NFASC: variants seen among roughly 807,000 people sequenced by gnomAD.
The protein encoded by NFASC is neurofascin.
Under a neutral mutation model 147.5 loss-of-function variants are expected in NFASC, and 43 were observed. The observed-to-expected ratio is 0.29, with a 90% CI of 0.23 to 0.38. NFASC has a LOEUF of 0.38. NFASC is among the 10% of genes least tolerant of loss of function. The probability of loss-of-function intolerance (pLI) is 1.00; values close to 1 mark genes in which losing one functional copy is unlikely to be tolerated. For missense variants in NFASC, 1,320 were observed against 1,689.0 expected (o/e 0.78, Z 3.83); for synonymous variants, 622 against 665.5 (o/e 0.93, Z 1.01).
intron 17 of NFASC, among the ~76,000 whole-genome samples, chr1:204,977,987 G>A (rs529637034): frequency 5.3e-5 from 8 of 152,244 alleles, no homozygotes; most frequent in South Asian, 2.1e-4. Context: ...CACACTCACC[G>A]CTCCCTCAGG....
At chr1:204,884,805 C>T (rs1180191171) in intron 1 of NFASC, among the ~76,000 whole-genome samples, 1 of 152,092 alleles carries the variant, frequency 6.6e-6, no homozygotes. Context: ...TGGCTGGGTG[C>T]CTGCACTGCA....
chr1:204,867,874 A>T (rs1360847950), intron 1 of NFASC, among the ~76,000 whole-genome samples: 1 of 152,086 alleles, frequency 6.6e-6, no homozygotes, highest in East Asian at 1.9e-4. Context: ...CCCTCCTCCA[A>T]GGCTCTCTTC....
Position 205,019,363 on chromosome 1 carries a change from G to A in NFASC, c.*2824G>A, listed in dbSNP as rs2096384692. Reference sequence around the variant, plus strand: ...CATCGGCGCTCCAGTCTGTCTGGCTGGGAGGAAAGTGCTGGGCATCTTACA... The same window carrying A: ...CATCGGCGCTCCAGTCTGTCTGGCTAGGAGGAAAGTGCTGGGCATCTTACA... On this transcript the variant is annotated 3_prime_UTR_variant, in exon 30 of 30. Coordinates refer to ENST00000339876, the MANE Select transcript of NFASC (RefSeq NM_001005388.3). The A allele has an allele frequency of 1.3e-5, 2 of 152,264 alleles. No homozygotes were observed. The highest frequency in any genetic ancestry group is 2.9e-5 in the Non-Finnish European group (2 of 68,068). 9.4% of individuals were successfully genotyped at this position (152,264 alleles called of 1,614,324 possible). A position where few individuals can be genotyped will look rare whatever the true frequency, so the allele number is the denominator to read the frequency against.
chr1:205,000,574 GC>G (rs2095956578), intron 25 of NFASC: 1 of 154,810 alleles, frequency 6.5e-6, no homozygotes, highest in South Asian at 2.0e-4. Flanking sequence ...CTTTTTCCTG[GC>G]CCCTTTCCTT....
At chr1:204,978,687 C>T (rs1355683820) in intron 17 of NFASC, among the ~76,000 whole-genome samples, 2 of 152,204 alleles carry the variant, frequency 1.3e-5, no homozygotes, top group Admixed American at 6.5e-5. Context: ...GACGGAATGG[C>T]GTTGGTCCCA....
chr1:204,920,162 G>T (rs2090149228), intron 1 of NFASC, among the ~76,000 whole-genome samples: 1 of 152,124 alleles, frequency 6.6e-6, no homozygotes, highest in South Asian at 2.1e-4. Context: ...CCTAAAATTG[G>T]GTCCCCTTTT....
intron 1 of NFASC, among the ~76,000 whole-genome samples, chr1:204,880,918 G>A: frequency 6.6e-6 from 1 of 152,216 alleles, no homozygotes; most frequent in Non-Finnish European, 1.5e-5. Flanking sequence ...AGTGGATGAG[G>A]ACACGTCTTT....
chr1:204,975,310 C>G lies in NFASC; in HGVS notation c.1598C>G (p.Ala533Gly), dbSNP rs777404052. The G allele has an allele frequency of 3.1e-6, 5 of 1,613,848 alleles. No homozygotes were observed. Among genetic ancestry groups the G allele is most frequent in the Non-Finnish European group, 4.2e-6 (5 of 1,179,896 alleles). ...TACCGGATGCCCGAGGACCAGGTGGCCAGAAGGGGCACCACGGTGCAGCTG... is the reference window on the plus strand; with the variant it reads ...TACCGGATGCCCGAGGACCAGGTGGGCAGAAGGGGCACCACGGTGCAGCTG... Reference protein sequence around the residue: ...RIYRMPEDQVARRGTTVQLEC... With the variant: ...RIYRMPEDQVGRRGTTVQLEC... Residue 533 changes from alanine (A) to glycine (G), a missense_variant, in exon 15 of 30, where the codon GCC (alanine) becomes GGC (glycine). Ala to Gly is a moderately conservative substitution (Grantham distance 60). This residue lies in a region of NFASC where 981 missense variants were observed against 1,289.5 expected (regional missense o/e 0.76). Transcript: ENST00000339876. This position sits in a 1 kb window ranked among gnomAD's most constrained non-coding sequence, Gnocchi z 4.0.
chr1:204,885,548 G>A (rs970933110), intron 1 of NFASC, among the ~76,000 whole-genome samples: 1 of 152,142 alleles, frequency 6.6e-6, no homozygotes, highest in Non-Finnish European at 1.5e-5. Flanking sequence ...AATTGACCAG[G>A]GCTGGTGCCA....
intron 28 of NFASC, among the ~76,000 whole-genome samples, chr1:205,012,503 C>T (rs531030982): frequency 7.9e-4 from 120 of 152,256 alleles, no homozygotes; most frequent in South Asian, 4.4e-3. Context: ...TCTGTTTGGT[C>T]TTTTGGGGAG....
At chr1:204,961,285 TGTCTTCAATCCTGCATA>T (rs988419891) in intron 8 of NFASC, among the ~76,000 whole-genome samples, 1 of 152,252 alleles carries the variant, frequency 6.6e-6, no homozygotes, top group Admixed American at 6.5e-5. Context: ...CCATAAGGAA[TGTCTTCAATCCTGCATA>T]GTCTAGAGAG....
intron 2 of NFASC, among the ~76,000 whole-genome samples, chr1:204,932,704 A>G (rs1370842548): frequency 6.6e-6 from 1 of 152,196 alleles, no homozygotes; most frequent in Non-Finnish European, 1.5e-5. Flanking sequence ...AAAGTTCAGT[A>G]GTCGTGACAG....
At chr1:204,856,382 G>GGTTGTGT (rs1553378380) in intron 1 of NFASC, among the ~76,000 whole-genome samples, 4 of 139,692 alleles carry the variant, frequency 2.9e-5, no homozygotes, top group Non-Finnish European at 6.2e-5. Flanking sequence ...ATGCAGAACA[G>GGTTGTGT]GTGTGTGTGT....
At chr1:204,917,834 A>G (rs1361956347) in intron 1 of NFASC, among the ~76,000 whole-genome samples, 1 of 152,162 alleles carries the variant, frequency 6.6e-6, no homozygotes, top group African/African-American at 2.4e-5. Context: ...CATTTCTCCA[A>G]GGAGGCCCAA....
intron 1 of NFASC, among the ~76,000 whole-genome samples, chr1:204,915,120 A>G (rs1038565799): frequency 6.6e-6 from 1 of 152,100 alleles, no homozygotes; most frequent in African/African-American, 2.4e-5. Flanking sequence ...TCTACTAAAA[A>G]TACAAAAAAA....
At chr1:204,853,282 A>G (rs1267691004) in intron 1 of NFASC, among the ~76,000 whole-genome samples, 1 of 152,232 alleles carries the variant, frequency 6.6e-6, no homozygotes, top group Admixed American at 6.5e-5. Context: ...AAGCTGTCCC[A>G]GACCTGAACA....
At chr1:204,918,493 ATTG>A (rs567385740) in intron 1 of NFASC, among the ~76,000 whole-genome samples, 191 of 151,990 alleles carry the variant, frequency 1.3e-3, no homozygotes, top group African/African-American at 4.3e-3. Context: ...TCAAATTACA[ATTG>A]TTTTAATCTA....
At chr1:204,997,592 G>C in intron 25 of NFASC, 186 bp downstream of exon 25, 1 of 697,312 alleles carries the variant, frequency 1.4e-6, no homozygotes, top group Non-Finnish European at 2.5e-6. Flanking sequence ...TGGAGGCCCA[G>C]ATCTCCCCAG....
At chr1:204,977,774 C>T in intron 17 of NFASC, 49 bp downstream of exon 17, 4 of 1,559,646 alleles carry the variant, frequency 2.6e-6, no homozygotes, top group Non-Finnish European at 3.5e-6. Flanking sequence ...TCTTGGCACC[C>T]AGGGTGTGGA....
Sources: allele counts gnomAD v4.1 joint callset (sites outside exome capture counted in the v4.1 genomes callset), GRCh38; gene constraint gnomAD v4.1.1; regional missense constraint gnomAD v4.1.1; non-coding constraint Gnocchi (gnomAD v3.1); transcripts MANE v1.5; gene names NCBI Gene and HGNC (gene_info 2026-07-23, HGNC 2026-07-21).